Variants in AHNAK observed in about 807,000 individuals in gnomAD.
The protein encoded by AHNAK is AHNAK nucleoprotein.
Under a neutral mutation model 37.8 loss-of-function variants are expected in AHNAK, and 23 were observed. The ratio of observed to expected loss-of-function variants is 0.61; its 90% CI spans 0.44 to 0.86. The LOEUF is 0.86. AHNAK is among the 40% of genes least tolerant of loss of function. AHNAK has a pLI of 0.00. For missense variants in AHNAK, 7,411 were observed against 7,319.4 expected (o/e 1.01, Z -0.46); for synonymous variants, 2,481 against 2,636.3 (o/e 0.94, Z 1.80).
At chr11:62,451,743 A>AT (rs1033368896) in intron 5 of AHNAK, among the ~76,000 whole-genome samples, 1 of 151,562 alleles carries the variant, frequency 6.6e-6, no homozygotes, top group African/African-American at 2.4e-5. Context: ...TCTCAAAAAA[A>AT]AAAAAAAAAA....
chr11:62,525,321 C>T lies in AHNAK; in HGVS notation c.9096G>A (p.Met3032Ile). 6.2e-7 allele frequency: 1 copy of T among 1,613,362 alleles called. No homozygotes were observed. The highest frequency in any genetic ancestry group is 8.5e-7 in the Non-Finnish European group (1 of 1,179,874). ...MPKVKMPKFS[M>I]PGFKGEGPDV... ...CTGGGCCCTCTCCTTTGAAGCCAGG[C>T]ATGCTGAATTTGGGCATTTTCACTT... The change falls in exon 5 of 5, where the codon ATG becomes ATA. Residue 3032 changes from methionine to isoleucine, a missense_variant. Transcript: ENST00000378024.
downstream of AHNAK, among the ~76,000 whole-genome samples, chr11:62,514,759 G>T (rs973620424): frequency 6.6e-6 from 1 of 152,160 alleles, no homozygotes; most frequent in Non-Finnish European, 1.5e-5. Flanking sequence ...ACGCAGCCGG[G>T]TATCAAGGGC....
rs754656493 is a variant in AHNAK at position 62,522,021 on chromosome 11, A to C, written c.12396T>G (p.Pro4132=). 1.2e-5 allele frequency: 20 copies of C among 1,613,870 alleles called. No homozygotes were observed. The highest frequency in any genetic ancestry group is 1.5e-5 in the Non-Finnish European group (18 of 1,180,000). ...LHLKAPKISM[P]EVDLNLKGPK... Reference sequence around the variant, plus strand: ...GACCTTTCAGATTCAGGTCAACTTCAGGCATAGAGATCTTCGGTGCCTTGA... The same window carrying C: ...GACCTTTCAGATTCAGGTCAACTTCCGGCATAGAGATCTTCGGTGCCTTGA... The change falls in exon 5 of 5, where the codon CCT becomes CCG. Residue 4132 remains proline (P), a synonymous_variant. Transcript: ENST00000378024.
Position 62,531,534 on chromosome 11 carries a change from C to T in AHNAK, c.2883G>A (p.Lys961=). The T allele has an allele frequency of 6.2e-7, 1 of 1,614,184 alleles. No individual in the cohort carries two copies. The highest frequency in any genetic ancestry group is 2.2e-5 in the East Asian group (1 of 44,888). Residue 961 remains lysine, a synonymous_variant, in exon 5 of 5, where the codon AAG becomes AAA. Transcript: ENST00000378024. The part of the protein sequence containing the change: ...VDLHMKGPKV[K]GEYDMTVPKL... The stretch of plus-strand genomic sequence containing the variant: ...TTGGCACTGTCATATCATATTCTCC[C>T]TTTACTTTAGGACCTTTCATATGCA...
rs751069410 is a variant in AHNAK at position 62,516,974 on chromosome 11, CT to C, written c.17442del (p.Lys5816AsnfsTer5). ...GEVSLEGGKVKGKHGKLKFGT... is the reference protein window; with the variant it reads ...GEVSLEGGKVXGKHGKLKFGT... ...CCGAATTTCAGCTTCCCGTGTTTCCCTTTAACTTTCCCACCTTCCAGAGACA... is the reference window on the plus strand; with the variant it reads ...CCGAATTTCAGCTTCCCGTGTTTCCCTTAACTTTCCCACCTTCCAGAGACA... On this transcript the variant is annotated frameshift_variant, in exon 5 of 5. Coordinates refer to ENST00000378024, the MANE Select transcript of AHNAK (RefSeq NM_001620.3). LOFTEE classifies it high-confidence loss of function. The C allele has an allele frequency of 6.2e-7, 1 of 1,614,210 alleles. No homozygotes were observed. Among genetic ancestry groups the C allele is most frequent in the South Asian group, 1.1e-5 (1 of 91,074 alleles).
Position 62,527,330 on chromosome 11 carries a change from C to T in AHNAK, c.7087G>A (p.Glu2363Lys). 1 of 1,613,866 alleles carries T rather than the reference C, an allele frequency of 6.2e-7. No individual in the cohort carries two copies. The change falls in exon 5 of 5, where the codon GAA (glutamate) becomes AAA (lysine). Residue 2363 changes from glutamate (E) to lysine (K), a missense_variant. Transcript: ENST00000378024. The stretch of plus-strand genomic sequence containing the variant: ...GTTTTCCACTTGCCATTTGGGCCTT[C>T]CACAGCTACTTCTGGCATGTCAGCA... The part of the protein sequence containing the change: ...LDADMPEVAV[E>K]GPNGKWKTPK...
Position 62,516,775 on chromosome 11 carries a change from A to G in AHNAK, c.17642T>C (p.Val5881Ala). 6 of 1,613,306 alleles carry G rather than the reference A, an allele frequency of 3.7e-6. No individual in the cohort carries two copies. Among genetic ancestry groups the G allele is most frequent in the Non-Finnish European group, 5.1e-6 (6 of 1,179,680 alleles). Residue 5881 changes from valine (V) to alanine (A), a missense_variant, in exon 5 of 5, where the codon GTG becomes GCG. Physicochemically the swap from Val to Ala is moderately conservative, Grantham distance 64. Coordinates refer to ENST00000378024, the MANE Select transcript of AHNAK (RefSeq NM_001620.3). ...TTTCTTTGTGGAAACTGACAGCTCC[A>G]CCTCGGGAAGCTGGATGCCAACCTT... ...GNKVGIQLPE[V>A]ELSVSTKKE
At chr11:62,498,592 T>C (rs796163297) in intron 4 of AHNAK, among the ~76,000 whole-genome samples, 12 of 144,274 alleles carry the variant, frequency 8.3e-5, no homozygotes, top group African/African-American at 2.8e-4. Flanking sequence ...GAACCCAGAC[T>C]CACTCTAAAA....
chr11:62,520,276 A>C lies in AHNAK; in HGVS notation c.14141T>G (p.Met4714Arg). 1 of 1,612,100 alleles carries C rather than the reference A, an allele frequency of 6.2e-7. No individual in the cohort carries two copies. The highest frequency in any genetic ancestry group is 8.5e-7 in the Non-Finnish European group (1 of 1,179,580). The change falls in exon 5 of 5, where the codon ATG becomes AGG. Residue 4714 changes from methionine (M) to arginine (R), a missense_variant. Transcript: ENST00000378024. ...LKGPKFKMPEMSIKAPKISMP... is the reference protein window; with the variant it reads ...LKGPKFKMPERSIKAPKISMP... ...GGAGATCTTGGGGGCTTTGATGCTC[A>C]TCTCAGGCATCTTGAACTTGGGGCC...
In AHNAK at chr11:62,518,454, G is replaced by A. The variant is rs780015995; in HGVS notation, c.15963C>T (p.Ser5321=). The change falls in exon 5 of 5, where the codon AGC becomes AGT. Residue 5321 remains serine, a synonymous_variant. Coordinates refer to ENST00000378024, the MANE Select transcript of AHNAK (RefSeq NM_001620.3). ...TGAGCCCTGGAGCATGCACCTTCATGCTGGGAACAGATGCATCCAGGTCTC... is the reference window on the plus strand; with the variant it reads ...TGAGCCCTGGAGCATGCACCTTCATACTGGGAACAGATGCATCCAGGTCTC... ...LKGDLDASVP[S]MKVHAPGLNL... is the part of the protein sequence containing the mutation. 1 of 1,614,050 alleles carries A rather than the reference G, an allele frequency of 6.2e-7. No homozygotes were observed. The highest frequency in any genetic ancestry group is 1.7e-5 in the Admixed American group (1 of 60,004).
In AHNAK at chr11:62,522,011, G is replaced by C; in HGVS notation, c.12406C>G (p.Leu4136Val). Reference protein sequence around the residue: ...APKISMPEVDLNLKGPKMKGD... With the variant: ...APKISMPEVDVNLKGPKMKGD... ...TTCATCTTTGGACCTTTCAGATTCA[G>C]GTCAACTTCAGGCATAGAGATCTTC... The change falls in exon 5 of 5, where the codon CTG becomes GTG. Residue 4136 changes from leucine to valine, a missense_variant. Transcript: ENST00000378024. 6.2e-7 allele frequency: 1 copy of C among 1,613,788 alleles called. No individual in the cohort carries two copies. Among genetic ancestry groups the C allele is most frequent in the Non-Finnish European group, 8.5e-7 (1 of 1,179,948 alleles).
At chr11:62,538,059 C>G (rs1941008872) in intron 1 of AHNAK, among the ~76,000 whole-genome samples, 1 of 152,064 alleles carries the variant, frequency 6.6e-6, no homozygotes, top group African/African-American at 2.4e-5. Flanking sequence ...CAGAGTCTGC[C>G]TCCAAGCAGG....
In AHNAK at chr11:62,524,989, C is replaced by T; in HGVS notation, c.9428G>A (p.Gly3143Asp). The T allele has an allele frequency of 1.2e-6, 2 of 1,613,578 alleles. No individual in the cohort carries two copies. Among genetic ancestry groups the T allele is most frequent in the Non-Finnish European group, 1.7e-6 (2 of 1,179,936 alleles). Residue 3143 changes from glycine to aspartate, a missense_variant, in exon 5 of 5, where the codon GGC becomes GAC. By Grantham distance (94) the Gly-to-Asp change is moderately conservative. Transcript: ENST00000378024. ...DINAPDVDVQ[G>D]PDWHLKMPKI... Reference sequence around the variant, plus strand: ...AGGCATCTTCAGGTGCCAGTCTGGGCCTTGAACATCCACATCTGGGGCATT... The same window carrying T: ...AGGCATCTTCAGGTGCCAGTCTGGGTCTTGAACATCCACATCTGGGGCATT...
At chr11:62,465,367 C>A (rs1223944888) in intron 5 of AHNAK, among the ~76,000 whole-genome samples, 2 of 152,174 alleles carry the variant, frequency 1.3e-5, no homozygotes, top group Non-Finnish European at 2.9e-5. Context: ...GTAATCCCAG[C>A]ACTTTGGGAG....
At chr11:62,546,425 T>C (rs1941314058) in intron 1 of AHNAK, among the ~76,000 whole-genome samples, 1 of 152,170 alleles carries the variant, frequency 6.6e-6, no homozygotes. Context: ...AGCAAAGCAC[T>C]TCGGAGCGAT....
chr11:62,434,149 G>A (rs952553066), intron 5 of AHNAK, among the ~76,000 whole-genome samples: 17 of 152,078 alleles, frequency 1.1e-4, no homozygotes, highest in Admixed American at 5.9e-4. Context: ...CATAAAGCCC[G>A]AGTCTGTCCT....
chr11:62,506,693 G>C (rs1939818764), intron 4 of AHNAK, among the ~76,000 whole-genome samples: 1 of 152,230 alleles, frequency 6.6e-6, no homozygotes. Flanking sequence ...CGGGTGGTCT[G>C]GGACCAGTGG....
In AHNAK at chr11:62,521,634, G is replaced by A. The variant is rs538830133; in HGVS notation, c.12783C>T (p.Asp4261=). 3.8e-4 allele frequency: 621 copies of A among 1,613,108 alleles called. 1 individual carries two copies. In the South Asian group the frequency reaches 5.4e-3, roughly 14 times the overall value. ...NIKAPKISMP[D]FDLHLKGPKV... ...TGGGACCTTTCAGATGCAAATCAAA[G>A]TCAGGCATGGAGATCTTGGGGGCTT... The change falls in exon 5 of 5, where the codon GAC becomes GAT. Residue 4261 remains aspartate (D), a synonymous_variant. Transcript: ENST00000378024.
chr11:62,538,664 C>T (rs1162114867), intron 1 of AHNAK, among the ~76,000 whole-genome samples: 2 of 152,248 alleles, frequency 1.3e-5, no homozygotes, highest in South Asian at 2.1e-4. Flanking sequence ...CCTAATTACA[C>T]GCTGCGTTAG....
Sources: gnomAD v4.1 joint callset for allele counts (sites outside exome capture counted in the v4.1 genomes callset) on GRCh38, gnomAD v4.1.1 for gene constraint, MANE v1.5 for transcripts, NCBI Gene and HGNC (gene_info 2026-07-23, HGNC 2026-07-21) for gene names.